Variants in STXBP6 observed in about 807,000 individuals in gnomAD.
STXBP6 encodes syntaxin binding protein 6.
A neutral mutation model predicts 26.9 loss-of-function variants in STXBP6; 21 were observed. The ratio of observed to expected loss-of-function variants is 0.78; its 90% CI spans 0.55 to 1.12. STXBP6 has a LOEUF of 1.12. Among genes scored for constraint, STXBP6 ranks in the 50% most tolerant of loss-of-function variants. The pLI is 0.00. For missense variants in STXBP6, 232 were observed against 257.9 expected (o/e 0.90, Z 0.69); for synonymous variants, 97 against 92.6 (o/e 1.05, Z -0.27).
At chr14:25,043,008 AG>A (rs1427669358) in intron 1 of STXBP6, among the ~76,000 whole-genome samples, 1 of 152,246 alleles carries the variant, frequency 6.6e-6, no homozygotes, top group Non-Finnish European at 1.5e-5. Context: ...CAAACAAATT[AG>A]AAGATGACAC....
chr14:24,823,080 C>T (rs2068184230), intron 4 of STXBP6, among the ~76,000 whole-genome samples: 1 of 152,136 alleles, frequency 6.6e-6, no homozygotes, highest in Admixed American at 6.6e-5. Context: ...TAAATAAAGT[C>T]AACTACTTTT....
intron 2 of STXBP6, among the ~76,000 whole-genome samples, chr14:24,915,044 G>C (rs907299373): frequency 6.6e-6 from 1 of 152,120 alleles, no homozygotes; most frequent in South Asian, 2.1e-4. Flanking sequence ...GGAGAAGAGA[G>C]AGGAATCACA....
intron 2 of STXBP6, among the ~76,000 whole-genome samples, chr14:24,948,805 G>C (rs1426175169): frequency 6.6e-6 from 1 of 152,152 alleles, no homozygotes; most frequent in African/African-American, 2.4e-5. Context: ...TGTTGAGTCT[G>C]TCACACATAA....
At chr14:24,870,069 G>A (rs1348441899) in intron 2 of STXBP6, among the ~76,000 whole-genome samples, 1 of 152,138 alleles carries the variant, frequency 6.6e-6, no homozygotes, top group Non-Finnish European at 1.5e-5. Flanking sequence ...GTGTCAGGCA[G>A]ATAATAAATT....
At chr14:24,942,274 T>C (rs772463409) in intron 2 of STXBP6, among the ~76,000 whole-genome samples, 39 of 152,148 alleles carry the variant, frequency 2.6e-4, no homozygotes, top group Non-Finnish European at 5.1e-4. Flanking sequence ...GGACTACAAA[T>C]GGTGCTGTCT....
intron 2 of STXBP6, among the ~76,000 whole-genome samples, chr14:24,944,062 T>C (rs1396429855): frequency 2.0e-5 from 3 of 152,208 alleles, no homozygotes; most frequent in Non-Finnish European, 4.4e-5. Context: ...TCCATATTTC[T>C]TTAGCCAGTC....
chr14:25,034,920 G>T (rs897659890), intron 1 of STXBP6, among the ~76,000 whole-genome samples: 3 of 152,076 alleles, frequency 2.0e-5, no homozygotes, highest in Admixed American at 2.0e-4. Context: ...GGAGGCCAAG[G>T]GGGGCAGATC....
intron 2 of STXBP6, among the ~76,000 whole-genome samples, chr14:24,967,869 C>A (rs992549403): frequency 1.3e-5 from 2 of 152,066 alleles, no homozygotes; most frequent in African/African-American, 4.8e-5. Context: ...TCCACCACAC[C>A]CCTCCCAAGT....
intron 1 of STXBP6, among the ~76,000 whole-genome samples, chr14:25,036,284 A>G (rs534987944): frequency 2.0e-5 from 3 of 151,660 alleles, no homozygotes. Flanking sequence ...CAGCTTATAG[A>G]TAATATTCCC....
At chr14:24,931,135 A>AC (rs2139899563) in intron 2 of STXBP6, among the ~76,000 whole-genome samples, 2 of 92,976 alleles carry the variant, frequency 2.2e-5, no homozygotes, top group Admixed American at 1.0e-4. Context: ...AAAAAAAAAA[A>AC]AAAAAAACCC....
intron 1 of STXBP6, among the ~76,000 whole-genome samples, chr14:25,032,100 A>C (rs1469850981): frequency 6.6e-6 from 1 of 152,192 alleles, no homozygotes; most frequent in Admixed American, 6.5e-5. Context: ...TGAAATATAA[A>C]ACCTTAATAA....
intron 2 of STXBP6, among the ~76,000 whole-genome samples, chr14:24,956,054 C>T (rs1452725822): frequency 6.6e-6 from 1 of 152,132 alleles, no homozygotes; most frequent in Non-Finnish European, 1.5e-5. Context: ...CTGTTGGCTA[C>T]TTATTTCCAT....
intron 1 of STXBP6, among the ~76,000 whole-genome samples, chr14:25,017,941 T>C (rs1402966723): frequency 6.6e-6 from 1 of 152,116 alleles, no homozygotes; most frequent in Admixed American, 6.5e-5. Flanking sequence ...TGCTCAGGCT[T>C]CTATCCTGAA....
intron 1 of STXBP6, among the ~76,000 whole-genome samples, chr14:24,975,753 A>G (rs1467273731): frequency 2.0e-5 from 3 of 152,118 alleles, no homozygotes; most frequent in African/African-American, 7.2e-5. Context: ...TACTTCCCCA[A>G]TGGTCTTAAC....
At chr14:24,900,108 T>C (rs970315867) in intron 2 of STXBP6, among the ~76,000 whole-genome samples, 1 of 152,266 alleles carries the variant, frequency 6.6e-6, no homozygotes, top group South Asian at 2.1e-4. Context: ...AATCTTAGTT[T>C]ATCTGCTTAA....
chr14:25,047,909 T>G (rs1340949425), intron 1 of STXBP6, among the ~76,000 whole-genome samples: 1 of 152,210 alleles, frequency 6.6e-6, no homozygotes, highest in Non-Finnish European at 1.5e-5. Flanking sequence ...AGTTTCAAAC[T>G]AAGGCCTTTC....
chr14:24,989,999 C>T (rs946719703), intron 1 of STXBP6, among the ~76,000 whole-genome samples: 3 of 152,290 alleles, frequency 2.0e-5, no homozygotes, highest in East Asian at 1.9e-4. Flanking sequence ...AGAATTGTGG[C>T]TTCAGATGGA....
At chr14:24,882,363 A>C (rs2070398575) in intron 2 of STXBP6, among the ~76,000 whole-genome samples, 2 of 109,228 alleles carry the variant, frequency 1.8e-5, no homozygotes, top group Non-Finnish European at 3.6e-5. Flanking sequence ...TGGGCGACAG[A>C]GCGAGACTCC....
intron 5 of STXBP6, among the ~76,000 whole-genome samples, chr14:24,814,482 T>G (rs957420082): frequency 2.0e-5 from 3 of 152,246 alleles, no homozygotes; most frequent in African/African-American, 7.2e-5. Flanking sequence ...ACTAATGGGC[T>G]TGTGCCAATT....
Sources: allele counts gnomAD v4.1 joint callset (sites outside exome capture counted in the v4.1 genomes callset), GRCh38; gene constraint gnomAD v4.1.1; transcripts MANE v1.5; gene names NCBI Gene and HGNC (gene_info 2026-07-23, HGNC 2026-07-21).